XKR6: variants seen among roughly 807,000 people sequenced by gnomAD.
The protein encoded by XKR6 is XK-related protein 6.
XKR6 carries 22 observed loss-of-function variants against 56.7 expected under a neutral mutation model. The ratio of observed to expected loss-of-function variants is 0.39; its 90% confidence interval spans 0.28 to 0.55. XKR6 has a LOEUF of 0.55. XKR6 is among the 20% of genes least tolerant of loss of function. The pLI, the probability that XKR6 is intolerant of heterozygous loss-of-function variation, is 0.66. For synonymous variants in XKR6, 524 were observed against 387.8 expected, an observed-to-expected ratio of 1.35 and a Z score of -4.13; for missense variants, 852 against 889.0, an observed-to-expected ratio of 0.96 and a Z score of 0.53.
In XKR6 at chr8:11,173,554, T is replaced by C. The variant is rs114917479; in HGVS notation, c.764+27022A>G. On this transcript the variant is annotated intron_variant, in intron 1 of 2. Transcript: ENST00000416569. ...CGCGGCAGGATGCTGGACAAGCTGCTGACTTCTGTGTGCTTGGGTTTCCAC... is the reference window on the plus strand; with the variant it reads ...CGCGGCAGGATGCTGGACAAGCTGCCGACTTCTGTGTGCTTGGGTTTCCAC... Among the ~76,000 whole-genome samples, 1,489 of 152,206 alleles carry C rather than the reference T, an allele frequency of 9.8e-3. 29 individuals are homozygous for C. The highest frequency in any genetic ancestry group is 0.034 in the African/African-American group (1,430 of 41,504).
intron 1 of XKR6, among the ~76,000 whole-genome samples, chr8:11,001,840 C>A (rs1025905460): frequency 2.6e-5 from 4 of 152,226 alleles, no homozygotes; most frequent in Non-Finnish European, 5.9e-5. Flanking sequence ...GCAAGCGGCA[C>A]TGTGCTGTGG....
intron 1 of XKR6, among the ~76,000 whole-genome samples, chr8:10,982,874 C>T (rs1797765973): frequency 6.6e-6 from 1 of 152,202 alleles, no homozygotes; most frequent in African/African-American, 2.4e-5. Context: ...TGAGGATAGG[C>T]TGAACCAAGG....
In XKR6 at chr8:11,189,136, C is replaced by A. The variant is rs1440253085; in HGVS notation, c.764+11440G>T. Among the ~76,000 whole-genome samples, 5 of 152,280 alleles carry A rather than the reference C, an allele frequency of 3.3e-5. No individual in the cohort carries two copies. The South Asian group carries it at 1.0e-3, about 32-fold the overall frequency. ...ATCTATTAGGTCATGTCTCCTCTTT[C>A]ATTCACCAGTTTCTTTTTAGGAATC... On this transcript the variant is annotated intron_variant, in intron 1 of 2. Coordinates refer to ENST00000416569, the MANE Select transcript of XKR6 (RefSeq NM_173683.4).
intron 1 of XKR6, among the ~76,000 whole-genome samples, chr8:11,018,567 G>A (rs1270930737): frequency 6.6e-6 from 1 of 152,212 alleles, no homozygotes; most frequent in African/African-American, 2.4e-5. Flanking sequence ...AGTTTTTGGT[G>A]TCCCCAGGAG....
At chr8:11,041,152 C>A (rs377064212) in intron 1 of XKR6, among the ~76,000 whole-genome samples, 1 of 152,134 alleles carries the variant, frequency 6.6e-6, no homozygotes, top group Non-Finnish European at 1.5e-5. Context: ...GTGTACCGTA[C>A]ATCCCTGAAA....
chr8:11,200,050 G>A lies in XKR6; in HGVS notation c.764+526C>T, dbSNP rs1804116115. Among the ~76,000 whole-genome samples the A allele has an allele frequency of 6.6e-6, 1 of 152,232 alleles. No homozygotes were observed. Among genetic ancestry groups the A allele is most frequent in the Admixed American group, 6.5e-5 (1 of 15,288 alleles). ...TCACAGGGGCTGGGAGTGCAGGAGGGGGAAGGGGCGTGGAATCCAGGAGTG... is the reference window on the plus strand; with the variant it reads ...TCACAGGGGCTGGGAGTGCAGGAGGAGGAAGGGGCGTGGAATCCAGGAGTG... On this transcript the variant is annotated intron_variant, in intron 1 of 2. Transcript: ENST00000416569. This position sits in a 1 kb window ranked among gnomAD's most constrained non-coding sequence, Gnocchi z 6.4.
chr8:11,188,640 T>C (rs1039507278), intron 1 of XKR6, among the ~76,000 whole-genome samples: 7 of 152,358 alleles, frequency 4.6e-5, no homozygotes, highest in African/African-American at 1.7e-4. Flanking sequence ...ATCTTTTAAA[T>C]GTACAGTGTA....
intron 1 of XKR6, among the ~76,000 whole-genome samples, chr8:11,126,885 A>G (rs1028415067): frequency 2.0e-5 from 3 of 152,144 alleles, no homozygotes; most frequent in African/African-American, 7.2e-5. Flanking sequence ...AACCAAAGGG[A>G]CCCAGATGAT....
intron 2 of XKR6, among the ~76,000 whole-genome samples, chr8:10,906,844 C>G (rs1428413661): frequency 3.3e-5 from 5 of 152,172 alleles, no homozygotes; most frequent in African/African-American, 9.7e-5. Flanking sequence ...CCATCCTATA[C>G]TGGCCAACAT....
At chr8:11,145,754 T>A (rs1800949253) in intron 1 of XKR6, among the ~76,000 whole-genome samples, 1 of 152,188 alleles carries the variant, frequency 6.6e-6, no homozygotes, top group Non-Finnish European at 1.5e-5. Flanking sequence ...GAAGGTTTAA[T>A]ATTGTCATGA....
intron 1 of XKR6, among the ~76,000 whole-genome samples, chr8:11,071,984 C>T (rs1420978753): frequency 6.6e-6 from 1 of 152,140 alleles, no homozygotes; most frequent in East Asian, 1.9e-4. Context: ...AAACACACAG[C>T]CAAGATAAAT....
chr8:10,899,684 A>C (rs1404259587), intron 2 of XKR6, among the ~76,000 whole-genome samples: 2 of 152,190 alleles, frequency 1.3e-5, no homozygotes, highest in African/African-American at 2.4e-5. Flanking sequence ...TCTGGGTTCA[A>C]CATGGTATCA....
At chr8:11,174,550 GA>G (rs1435819102) in intron 1 of XKR6, among the ~76,000 whole-genome samples, 6 of 152,160 alleles carry the variant, frequency 3.9e-5, no homozygotes, top group Non-Finnish European at 8.8e-5. Context: ...ATTTTTAAAA[GA>G]AAATGAATAC....
At chr8:11,051,799 CT>C (rs995556291) in intron 1 of XKR6, among the ~76,000 whole-genome samples, 2 of 152,004 alleles carry the variant, frequency 1.3e-5, no homozygotes, top group Non-Finnish European at 2.9e-5. Context: ...ATAGCTTAGC[CT>C]TTTTTTCTGT....
chr8:10,948,983 G>A (rs1470173811), intron 1 of XKR6, among the ~76,000 whole-genome samples: 1 of 152,206 alleles, frequency 6.6e-6, no homozygotes, highest in East Asian at 1.9e-4. Context: ...AGCCTCTCGG[G>A]AGGCTCCTCA....
At position 11,048,223 on chromosome 8, in the gene XKR6, A is replaced by T. The variant is rs1015473660; in HGVS notation, c.765-123393T>A. ...GGCTGAACTTCCGTATCTCACCGAC[A>T]GGTCACCTCACACCATCAGCAAGGG... On this transcript the variant is annotated intron_variant, in intron 1 of 2. Coordinates refer to ENST00000416569, the MANE Select transcript of XKR6 (RefSeq NM_173683.4). Among the ~76,000 whole-genome samples the T allele has an allele frequency of 3.3e-5, 5 of 152,132 alleles. No individual in the cohort carries two copies. The East Asian group carries it at 9.6e-4, about 29-fold the overall frequency.
At chr8:10,965,379 C>A (rs1416488108) in intron 1 of XKR6, among the ~76,000 whole-genome samples, 9 of 152,340 alleles carry the variant, frequency 5.9e-5, no homozygotes, top group African/African-American at 2.2e-4. Flanking sequence ...GATCTGGGGG[C>A]CCCACAGACT....
At chr8:11,074,748 T>C (rs1012667555) in intron 1 of XKR6, among the ~76,000 whole-genome samples, 2 of 152,096 alleles carry the variant, frequency 1.3e-5, no homozygotes, top group African/African-American at 4.8e-5. Context: ...CCCAGGTGCT[T>C]TGGGGTTCCA....
chr8:11,154,643 T>G (rs993226648), intron 1 of XKR6, among the ~76,000 whole-genome samples: 1 of 152,222 alleles, frequency 6.6e-6, no homozygotes, highest in African/African-American at 2.4e-5. Flanking sequence ...ACCTCACAAC[T>G]CACAGTTTGG....
Sources: gnomAD v4.1 joint callset for allele counts (sites outside exome capture counted in the v4.1 genomes callset) on GRCh38, gnomAD v4.1.1 for gene constraint, Gnocchi (gnomAD v3.1) non-coding constraint, MANE v1.5 for transcripts, NCBI Gene and HGNC (gene_info 2026-07-23, HGNC 2026-07-21) for gene names.